Variants in TMEM260 observed in about 807,000 individuals in gnomAD.
TMEM260 encodes protein O-mannosyl-transferase TMEM260.
Under a neutral mutation model 88.9 loss-of-function variants are expected in TMEM260, and 82 were observed. The ratio of observed to expected loss-of-function variants is 0.92; its 90% CI spans 0.77 to 1.11. The LOEUF (loss-of-function observed/expected upper bound fraction) is 1.11, where lower values mean the gene tolerates loss of function less well. Among genes scored for constraint, TMEM260 ranks in the 50% least tolerant of loss-of-function variants. The probability of loss-of-function intolerance (pLI) is 0.00; values close to 1 mark genes in which losing one functional copy is unlikely to be tolerated. For missense variants in TMEM260, 902 were observed against 853.4 expected (o/e 1.06, Z -0.71); for synonymous variants, 314 against 309.3 (o/e 1.02, Z -0.16).
chr14:56,606,995 G>C (rs190059078), intron 5 of TMEM260, among the ~76,000 whole-genome samples: 1 of 152,196 alleles, frequency 6.6e-6, no homozygotes. Flanking sequence ...AGTCAATCAC[G>C]TAAGTCCTTA....
intron 11 of TMEM260, among the ~76,000 whole-genome samples, chr14:56,624,089 T>C (rs1357091027): frequency 6.6e-6 from 1 of 152,264 alleles, no homozygotes; most frequent in Non-Finnish European, 1.5e-5. Context: ...TAAATTCAGA[T>C]AATTTGAAAT....
At chr14:56,620,232 C>A (rs931755656) in intron 10 of TMEM260, among the ~76,000 whole-genome samples, 2 of 152,142 alleles carry the variant, frequency 1.3e-5, no homozygotes, top group African/African-American at 4.8e-5. Flanking sequence ...GTGCAACAAA[C>A]CCTGTGACGT....
intron 15 of TMEM260, among the ~76,000 whole-genome samples, chr14:56,644,840 T>C (rs1358333457): frequency 6.6e-6 from 1 of 152,038 alleles, no homozygotes; most frequent in Non-Finnish European, 1.5e-5. Context: ...GTGAAGGATA[T>C]AAACAGACAC....
intron 10 of TMEM260, among the ~76,000 whole-genome samples, chr14:56,619,101 T>C (rs1053260229): frequency 6.6e-6 from 1 of 152,214 alleles, no homozygotes; most frequent in Admixed American, 6.5e-5. Flanking sequence ...AGTAAAATGA[T>C]TTAGAGTTTT....
At chr14:56,632,448 G>A (rs1313470454) in intron 12 of TMEM260, among the ~76,000 whole-genome samples, 2 of 152,104 alleles carry the variant, frequency 1.3e-5, no homozygotes, top group Non-Finnish European at 2.9e-5. Context: ...CTAATGCCAC[G>A]ATGTTGCCTG....
Position 56,605,545 on chromosome 14 carries a change from A to G in TMEM260, c.523-25A>G, listed in dbSNP as rs113870154. The G allele has an allele frequency of 2.5e-5, 30 of 1,177,370 alleles. No individual in the cohort carries two copies. In the South Asian group the frequency reaches 2.6e-4, roughly 10 times the overall value. 72.9% of individuals were successfully genotyped at this position (1,177,370 alleles called of 1,614,324 possible). A position where few individuals can be genotyped will look rare whatever the true frequency, so the allele number is the denominator to read the frequency against. ...GAGTTTTAGGTGAATTTTTTACTTA[A>G]TTTTTTTTTTTAATTTATTTTCAGG... On this transcript the variant is annotated intron_variant, in intron 4 of 15. Coordinates refer to ENST00000261556, the MANE Select transcript of TMEM260 (RefSeq NM_017799.4).
intron 7 of TMEM260, 46 bp downstream of exon 7, chr14:56,612,331 A>T: frequency 6.7e-7 from 1 of 1,495,138 alleles, no homozygotes; most frequent in South Asian, 1.1e-5. Context: ...ATTCTCTATT[A>T]GTTCCTTTAA....
rs980444661 is a variant in TMEM260 at position 56,579,887 on chromosome 14, G to C, written c.-28G>C. On this transcript the variant is annotated 5_prime_UTR_variant, in exon 1 of 16. Transcript: ENST00000261556. ...CGCACCGGGTTCTTGGGCTGGCCGTGTCCTTCTCCCTCGGTCGCCACTGGC... is the reference window on the plus strand; with the variant it reads ...CGCACCGGGTTCTTGGGCTGGCCGTCTCCTTCTCCCTCGGTCGCCACTGGC... The C allele has an allele frequency of 5.7e-6, 7 of 1,232,030 alleles. No individual in the cohort carries two copies. The Admixed American group carries it at 2.5e-4, about 45-fold the overall frequency. 76.3% of individuals were successfully genotyped at this position (1,232,030 alleles called of 1,614,324 possible).
Position 56,639,639 on chromosome 14 carries a change from G to A in TMEM260, c.1869+3041G>A, listed in dbSNP as rs200044947. ...CGGGTTCATCTCACTGGGGAGTGCC[G>A]GACAGTGGGTGCAGTGCACCATGTG... On this transcript the variant is annotated intron_variant, in intron 15 of 15. Coordinates refer to ENST00000261556, the MANE Select transcript of TMEM260 (RefSeq NM_017799.4). Among the ~76,000 whole-genome samples the A allele has an allele frequency of 6.8e-4, 104 of 152,284 alleles. No homozygotes were observed. The South Asian group carries it at 0.015, about 22-fold the overall frequency.
At chr14:56,593,442 A>G (rs1885990821) in intron 3 of TMEM260, 2 of 152,144 alleles carry the variant, frequency 1.3e-5, no homozygotes, top group African/African-American at 2.4e-5. Context: ...TATTAACCTA[A>G]GTAAAAAGCA....
chr14:56,656,933 G>T, the TMEM260 span, among the ~76,000 whole-genome samples: 23 of 152,124 alleles, frequency 1.5e-4, no homozygotes, highest in South Asian at 4.8e-3. Context: ...TCATTTTCAC[G>T]AGACCCCATT....
At position 56,617,246 on chromosome 14, in the gene TMEM260, CTTTGCTTGGAGAGCAAA is replaced by C; in HGVS notation, c.1009_1025del (p.Ala337ArgfsTer36). The C allele has an allele frequency of 6.2e-7, 1 of 1,603,828 alleles. No individual in the cohort carries two copies. Among genetic ancestry groups the C allele is most frequent in the Non-Finnish European group, 8.5e-7 (1 of 1,175,886 alleles). On this transcript the variant is annotated frameshift_variant, in exon 9 of 16. Coordinates refer to ENST00000261556, the MANE Select transcript of TMEM260 (RefSeq NM_017799.4). LOFTEE classifies it high-confidence loss of function. The stretch of plus-strand genomic sequence containing the variant: ...GAATGTTTTGCATTTATTCATTGTT[CTTTGCTTGGAGAGCAAA>C]TTTAGATATTTCAAAACCACTTTTC...
chr14:56,611,878 T>C (rs939818586), intron 6 of TMEM260, among the ~76,000 whole-genome samples: 29 of 152,166 alleles, frequency 1.9e-4, no homozygotes, highest in Non-Finnish European at 3.7e-4. Flanking sequence ...AATGAGTTAA[T>C]GTCCTAAGCG....
intron 6 of TMEM260, among the ~76,000 whole-genome samples, chr14:56,610,758 A>G (rs1275993877): frequency 6.6e-6 from 1 of 152,184 alleles, no homozygotes; most frequent in African/African-American, 2.4e-5. Flanking sequence ...AGACCATTCT[A>G]GATTTCAAAT....
At position 56,612,344 on chromosome 14, in the gene TMEM260, G is replaced by A. The variant is rs1371178247; in HGVS notation, c.857+59G>A. 51 of 1,413,708 alleles carry A rather than the reference G, an allele frequency of 3.6e-5. 1 individual carries two copies. In the Admixed American group the frequency reaches 7.3e-4, roughly 20 times the overall value. The allele number at this position is 1,413,708 out of a possible 1,614,324, so 87.6% of individuals were successfully genotyped here. On this transcript the variant is annotated intron_variant, in intron 7 of 15. Transcript: ENST00000261556. ...GAATTCTCTATTAGTTCCTTTAAGT[G>A]ATTTTAGGGATTTCTGAGTTCATCT...
chr14:56,608,037 G>A (rs948217866), intron 5 of TMEM260, among the ~76,000 whole-genome samples: 1 of 152,172 alleles, frequency 6.6e-6, no homozygotes. Flanking sequence ...GCAAAGGCAT[G>A]TTGTTAGATT....
At chr14:56,624,583 A>G (rs944761923) in intron 11 of TMEM260, among the ~76,000 whole-genome samples, 28 of 152,088 alleles carry the variant, frequency 1.8e-4, no homozygotes, top group African/African-American at 6.5e-4. Flanking sequence ...ATAATAATAA[A>G]TTTGAGAACC....
At chr14:56,615,810 G>C in intron 7 of TMEM260, 134 bp from the exon 8 acceptor site, 1 of 597,642 alleles carries the variant, frequency 1.7e-6, no homozygotes, top group Non-Finnish European at 2.9e-6. Context: ...AACTTTAAAA[G>C]ACAAAATTTT....
At chr14:56,632,926 G>T in intron 12 of TMEM260, 69 bp from the exon 13 acceptor site, 1 of 1,399,920 alleles carries the variant, frequency 7.1e-7, no homozygotes, top group South Asian at 1.3e-5. Context: ...GATCTTTCAT[G>T]AATTATATTT....
Sources: allele counts gnomAD v4.1 joint callset (sites outside exome capture counted in the v4.1 genomes callset), GRCh38; gene constraint gnomAD v4.1.1; transcripts MANE v1.5; gene names NCBI Gene and HGNC (gene_info 2026-07-23, HGNC 2026-07-21).